The following RBMS3 variants were observed in gnomAD, a reference collection of about 807,000 sequenced individuals.
RBMS3 encodes the protein RNA binding motif single stranded interacting protein 3, also known as RNA-binding motif, single-stranded-interacting protein 3.
In RBMS3, 27 loss-of-function variants were observed where a neutral mutation model predicts 66.8. That is an observed-to-expected ratio of 0.40 (90% CI 0.30 to 0.56). RBMS3 has a LOEUF of 0.56. Ranked by LOEUF, RBMS3 falls within the 20% of genes least tolerant of loss-of-function variation. The probability of loss-of-function intolerance (pLI) is 0.40; values close to 1 mark genes in which losing one functional copy is unlikely to be tolerated. For missense variants in RBMS3, 513 were observed against 549.5 expected (o/e 0.93, Z 0.66); for synonymous variants, 188 against 183.0 (o/e 1.03, Z -0.22).
At chr3:29,693,236 C>CATAATTGTG (rs2149276296) in intron 4 of RBMS3, among the ~76,000 whole-genome samples, 1 of 152,198 alleles carries the variant, frequency 6.6e-6, no homozygotes, top group East Asian at 1.9e-4. Context: ...CTTGAAAATG[C>CATAATTGTG]ATAATTGTGA....
chr3:29,336,824 C>A (rs978772130), intron 1 of RBMS3, among the ~76,000 whole-genome samples: 4 of 152,008 alleles, frequency 2.6e-5, no homozygotes, highest in African/African-American at 9.7e-5. Flanking sequence ...TCATGTTTTC[C>A]TTTTGGAAAG....
intron 3 of RBMS3, among the ~76,000 whole-genome samples, chr3:29,536,809 A>G (rs1192377438): frequency 6.6e-6 from 1 of 152,202 alleles, no homozygotes; most frequent in African/African-American, 2.4e-5. Flanking sequence ...GTCTCTTGCT[A>G]CTTAGGATGA....
intron 1 of RBMS3, among the ~76,000 whole-genome samples, chr3:29,409,109 T>C (rs963957730): frequency 9.2e-5 from 14 of 152,206 alleles, no homozygotes; most frequent in Non-Finnish European, 1.6e-4. Flanking sequence ...TCCATTAGAA[T>C]CTCAGAAATA....
intron 1 of RBMS3, among the ~76,000 whole-genome samples, chr3:29,356,634 T>C (rs977086335): frequency 6.6e-6 from 1 of 152,200 alleles, no homozygotes; most frequent in Non-Finnish European, 1.5e-5. Context: ...CAGTCAATTT[T>C]TCTCAAGGAC....
intron 8 of RBMS3, among the ~76,000 whole-genome samples, chr3:29,890,427 G>T (rs977663687): frequency 1.3e-5 from 2 of 151,550 alleles, no homozygotes; most frequent in Non-Finnish European, 3.0e-5. Flanking sequence ...TAACCTAACA[G>T]AAAGATAAAT....
chr3:29,847,644 T>C (rs928909773), intron 6 of RBMS3, among the ~76,000 whole-genome samples: 1 of 148,454 alleles, frequency 6.7e-6, no homozygotes, highest in African/African-American at 2.6e-5. Flanking sequence ...TTTTGTGTTT[T>C]ATTTTTTTTT....
At chr3:29,732,521 A>C (rs1309442779) in intron 4 of RBMS3, among the ~76,000 whole-genome samples, 1 of 152,160 alleles carries the variant, frequency 6.6e-6, no homozygotes, top group Non-Finnish European at 1.5e-5. Context: ...ATTAACTATC[A>C]CACAAATATA....
intron 2 of RBMS3, among the ~76,000 whole-genome samples, chr3:29,477,495 C>A (rs1462252130): frequency 6.6e-6 from 1 of 151,518 alleles, no homozygotes; most frequent in Non-Finnish European, 1.5e-5. Flanking sequence ...TTATGCTCTG[C>A]TCTTGAAGAA....
rs1197561259 is a variant in RBMS3, at chr3:30,007,102, A to C, written c.*3240A>C. On this transcript the variant is annotated 3_prime_UTR_variant, in exon 15 of 15. Coordinates refer to ENST00000383767, the MANE Select transcript of RBMS3 (RefSeq NM_001003793.3). ...TTTGCCCTGCTTTGTCTGTTGTCTT[A>C]CCTAAGACTTGTTTTGAAGAGCCAA... 1 of 152,082 alleles carries C rather than the reference A, an allele frequency of 6.6e-6. No homozygotes were observed. The highest frequency in any genetic ancestry group is 2.4e-5 in the African/African-American group (1 of 41,444). 9.4% of individuals were successfully genotyped at this position (152,082 alleles called of 1,614,324 possible).
chr3:29,988,442 G>T (rs549849316), intron 13 of RBMS3, among the ~76,000 whole-genome samples: 2 of 152,226 alleles, frequency 1.3e-5, no homozygotes, highest in East Asian at 3.9e-4. Context: ...AGGCACGACG[G>T]GAGTCTCTTT....
At chr3:29,735,838 G>A (rs1439074308) in intron 4 of RBMS3, among the ~76,000 whole-genome samples, 8 of 152,166 alleles carry the variant, frequency 5.3e-5, no homozygotes, top group Non-Finnish European at 8.8e-5. Context: ...CCTTGGGCAA[G>A]TCATAATCTC....
At chr3:29,504,663 C>A (rs2044112697) in intron 3 of RBMS3, among the ~76,000 whole-genome samples, 1 of 151,728 alleles carries the variant, frequency 6.6e-6, no homozygotes, top group South Asian at 2.1e-4. Flanking sequence ...TTTGAGAAAC[C>A]TCTATACTGT....
intron 10 of RBMS3, among the ~76,000 whole-genome samples, chr3:29,928,180 T>TTATATATATA (rs1199975605): frequency 3.4e-4 from 35 of 102,560 alleles, no homozygotes; most frequent in African/African-American, 1.2e-3. Context: ...TCTTCAAATT[T>TTATATATATA]TATATATATA....
chr3:29,327,111 G>C (rs1227687355), intron 1 of RBMS3, among the ~76,000 whole-genome samples: 1 of 152,128 alleles, frequency 6.6e-6, no homozygotes, highest in Non-Finnish European at 1.5e-5. Context: ...GGAAGGTTTT[G>C]GGAGTGGGGA....
rs184896748 is a variant in RBMS3, at chr3:29,571,509, A to G, written c.308-15605A>G. On this transcript the variant is annotated intron_variant, in intron 3 of 14. Transcript: ENST00000383767. ...CTGTATATGGATATCTAGTTTTCCC[A>G]GTACCATTTATTGAAGAGATTGTCC... is the stretch of plus-strand genomic sequence containing the variant. Among the ~76,000 whole-genome samples the G allele has an allele frequency of 3.6e-4, 55 of 152,316 alleles. 1 individual carries two copies. The highest frequency in any genetic ancestry group is 2.0e-4 in the Admixed American group (3 of 15,296).
chr3:29,656,144 A>G (rs1196376617), intron 4 of RBMS3, among the ~76,000 whole-genome samples: 1 of 152,148 alleles, frequency 6.6e-6, no homozygotes, highest in Non-Finnish European at 1.5e-5. Flanking sequence ...TATTGAGGAA[A>G]GAAAATTTTA....
chr3:29,661,988 A>G (rs936265909), intron 4 of RBMS3, among the ~76,000 whole-genome samples: 7 of 152,198 alleles, frequency 4.6e-5, no homozygotes, highest in African/African-American at 1.7e-4. Context: ...TCCTCAGTGC[A>G]CACGTTTTCA....
chr3:29,566,990 G>A (rs2046766970), intron 3 of RBMS3, among the ~76,000 whole-genome samples: 1 of 152,094 alleles, frequency 6.6e-6, no homozygotes, highest in Non-Finnish European at 1.5e-5. Flanking sequence ...TCTCTAATAA[G>A]AAATAACCTT....
chr3:29,488,014 T>A (rs1263220511), intron 2 of RBMS3, among the ~76,000 whole-genome samples: 1 of 152,188 alleles, frequency 6.6e-6, no homozygotes, highest in Non-Finnish European at 1.5e-5. Flanking sequence ...GCTTCTCATT[T>A]TTGCAGATGA....
Sources: gnomAD v4.1 joint callset for allele counts (sites outside exome capture counted in the v4.1 genomes callset) on GRCh38, gnomAD v4.1.1 for gene constraint, MANE v1.5 for transcripts, NCBI Gene and HGNC (gene_info 2026-07-23, HGNC 2026-07-21) for gene names.